Variants in FRMD7 observed in about 807,000 individuals in gnomAD.
FRMD7 encodes FERM domain-containing protein 7.
Under a neutral mutation model 44.1 loss-of-function variants are expected in FRMD7, and 14 were observed. The observed-to-expected ratio is 0.32, with a 90% CI of 0.21 to 0.50. FRMD7 has a LOEUF of 0.50. Ranked by LOEUF, FRMD7 falls within the 20% of genes least tolerant of loss-of-function variation. FRMD7 has a pLI of 0.99. For synonymous variants in FRMD7, 212 were observed against 187.4 expected (o/e 1.13, Z -1.07); for missense variants, 501 against 522.3 (o/e 0.96, Z 0.40).
chrX:132,103,229 T>A (rs978370163), intron 1 of FRMD7, among the ~76,000 whole-genome samples: 7 of 112,247 alleles, frequency 6.2e-5, no homozygotes, highest in African/African-American at 2.3e-4. Flanking sequence ...ATCGAATTTC[T>A]CAATTTTGGT....
intron 1 of FRMD7, among the ~76,000 whole-genome samples, chrX:132,118,815 C>T (rs182631701): frequency 9.0e-6 from 1 of 111,074 alleles, no homozygotes; most frequent in African/African-American, 3.3e-5. Flanking sequence ...CAGGCCTTTT[C>T]CTGCTTCTCC....
chrX:132,098,008 C>G (rs764487305), intron 3 of FRMD7, among the ~76,000 whole-genome samples: 4 of 111,650 alleles, frequency 3.6e-5, no homozygotes, highest in Admixed American at 2.9e-4. Flanking sequence ...GACATCTAGA[C>G]AGTTATAACA....
At position 132,084,567 on chromosome X, in the gene FRMD7, T is replaced by A; in HGVS notation, c.664A>T (p.Thr222Ser). The A allele has an allele frequency of 8.7e-7, 1 of 1,148,718 alleles. No individual in the cohort carries two copies. The highest frequency in any genetic ancestry group is 1.8e-5 in the South Asian group (1 of 55,533). The allele number at this position is 1,148,718 out of a possible 1,213,427, so 94.7% of individuals were successfully genotyped here. Residue 222 changes from threonine to serine, a missense_variant, in exon 8 of 12, where the codon ACT becomes TCT. Thr to Ser is a moderately conservative substitution (Grantham distance 58, BLOSUM62 1). Transcript: ENST00000298542. ...LVLRGNTKIN[T>S]FNWAKIRKLS... is the part of the protein sequence containing the mutation. ...TTGCGGATTTTAGCCCAGTTAAAAGTATTGATCTTTGTATTTCCCTACAAT... is the reference window on the plus strand; with the variant it reads ...TTGCGGATTTTAGCCCAGTTAAAAGAATTGATCTTTGTATTTCCCTACAAT...
intron 1 of FRMD7, among the ~76,000 whole-genome samples, chrX:132,101,755 C>G (rs371194372): frequency 2.7e-5 from 3 of 112,110 alleles, no homozygotes; most frequent in East Asian, 5.6e-4. Flanking sequence ...CCCACACACA[C>G]TGTGAGCACA....
At chrX:132,083,321 C>G (rs1045896058) in intron 8 of FRMD7, among the ~76,000 whole-genome samples, 1 of 111,863 alleles carries the variant, frequency 8.9e-6, no homozygotes, top group African/African-American at 3.2e-5. Flanking sequence ...GTACAATGCT[C>G]TATATTGCTC....
chrX:132,090,302 G>A (rs886926109), intron 5 of FRMD7, among the ~76,000 whole-genome samples: 3 of 110,989 alleles, frequency 2.7e-5, no homozygotes, highest in African/African-American at 9.9e-5. Flanking sequence ...GCTTGAACCC[G>A]GGAGGTGGAG....
At chrX:132,125,899 C>A (rs868112933) in intron 1 of FRMD7, among the ~76,000 whole-genome samples, 2 of 111,787 alleles carry the variant, frequency 1.8e-5, no homozygotes, top group African/African-American at 6.5e-5. Flanking sequence ...ATTGTGCACA[C>A]GTCACTTAAG....
At position 132,097,363 on chromosome X, in the gene FRMD7, C is replaced by T; in HGVS notation, c.206-19G>A. ...TTAGGATCTTAAAACACAATATCTCCATAAGTTTTATTTAAATGTCCATCA... is the reference window on the plus strand; with the variant it reads ...TTAGGATCTTAAAACACAATATCTCTATAAGTTTTATTTAAATGTCCATCA... On this transcript the variant is annotated intron_variant, in intron 3 of 11. Transcript: ENST00000298542. 1 of 979,616 alleles carries T rather than the reference C, an allele frequency of 1.0e-6. No homozygotes were observed. Among genetic ancestry groups the T allele is most frequent in the Non-Finnish European group, 1.5e-6 (1 of 684,954 alleles). The allele number at this position is 979,616 out of a possible 1,213,427, so 80.7% of individuals were successfully genotyped here. A position where few individuals can be genotyped will look rare whatever the true frequency, so the allele number is the denominator to read the frequency against.
At chrX:132,103,490 A>ATCTATCTATCTATCTG (rs1928562430) in intron 1 of FRMD7, among the ~76,000 whole-genome samples, 1 of 8,706 alleles carries the variant, frequency 1.1e-4, no homozygotes, top group Non-Finnish European at 3.2e-4. Context: ...TTAAATGTCT[A>ATCTATCTATCTATCTG]TCTATCTATC....
intron 5 of FRMD7, among the ~76,000 whole-genome samples, chrX:132,086,661 G>GAAA (rs768288026): frequency 1.9e-4 from 18 of 93,688 alleles, no homozygotes; most frequent in African/African-American, 3.8e-4. Context: ...AAGGCCTCAG[G>GAAA]AAAAAAAAAA....
intron 1 of FRMD7, among the ~76,000 whole-genome samples, chrX:132,126,596 A>T (rs1004131326): frequency 4.5e-5 from 5 of 112,093 alleles, no homozygotes; most frequent in African/African-American, 6.5e-5. Context: ...GCCTAAAGCA[A>T]TATCTTTTGA....
chrX:132,093,814 A>T (rs1180715639), intron 5 of FRMD7, among the ~76,000 whole-genome samples: 1 of 112,367 alleles, frequency 8.9e-6, no homozygotes, highest in East Asian at 2.8e-4. Context: ...CTGGGGTAGA[A>T]GAAAATCAGC....
intron 1 of FRMD7, 129 bp from the exon 2 acceptor site, chrX:132,100,845 C>A: frequency 2.0e-6 from 1 of 509,398 alleles, no homozygotes; most frequent in South Asian, 2.7e-5. Context: ...AGAGGACCTG[C>A]ATCCTTTTCA....
intron 8 of FRMD7, among the ~76,000 whole-genome samples, chrX:132,082,879 A>C (rs1305052391): frequency 8.9e-6 from 1 of 112,436 alleles, no homozygotes; most frequent in Non-Finnish European, 1.9e-5. Flanking sequence ...GTTATAAATG[A>C]CCAACAGGAA....
intron 1 of FRMD7, among the ~76,000 whole-genome samples, chrX:132,117,329 T>C (rs1433998485): frequency 8.9e-6 from 1 of 111,826 alleles, no homozygotes; most frequent in Non-Finnish European, 1.9e-5. Context: ...TGATTGCTTA[T>C]GCAGGTAGTG....
chrX:132,116,193 T>C (rs1316355671), intron 1 of FRMD7, among the ~76,000 whole-genome samples: 2 of 112,261 alleles, frequency 1.8e-5, no homozygotes, highest in East Asian at 5.5e-4. Flanking sequence ...CACTCTTACA[T>C]TGATTTAACA....
Position 132,127,414 on chromosome X carries a change from T to C in FRMD7, c.57+374A>G, listed in dbSNP as rs143470937. On this transcript the variant is annotated intron_variant, in intron 1 of 11. Transcript: ENST00000298542. ...GGATAGCTTCCCCCACTCCTTTCCCTCAGAACAACAGTTTTCTCCCCACAA... is the reference window on the plus strand; with the variant it reads ...GGATAGCTTCCCCCACTCCTTTCCCCCAGAACAACAGTTTTCTCCCCACAA... Among the ~76,000 whole-genome samples, 560 of 112,097 alleles carry C rather than the reference T, an allele frequency of 5.0e-3. 5 individuals are homozygous for C. The highest frequency in any genetic ancestry group is 0.017 in the African/African-American group (539 of 30,877).
At chrX:132,118,834 G>A (rs1928967272) in intron 1 of FRMD7, among the ~76,000 whole-genome samples, 1 of 110,132 alleles carries the variant, frequency 9.1e-6, no homozygotes. Context: ...CCCTTTGTCT[G>A]GACCAACCTT....
At position 132,094,322 on chromosome X, in the gene FRMD7, A is replaced by G; in HGVS notation, c.285-183T>C. The G allele has an allele frequency of 3.2e-5, 14 of 433,909 alleles. No homozygotes were observed. In the South Asian group the frequency reaches 4.1e-4, roughly 13 times the overall value. 35.8% of individuals were successfully genotyped at this position (433,909 alleles called of 1,213,427 possible). A position where few individuals can be genotyped will look rare whatever the true frequency, so the allele number is the denominator to read the frequency against. On this transcript the variant is annotated intron_variant, in intron 4 of 11. Coordinates refer to ENST00000298542, the MANE Select transcript of FRMD7 (RefSeq NM_194277.3). ...AGCCCCAAACCAGACCCGGACCACA[A>G]CTCAGCTGATTGAACACTTTGGCAG...
Sources: allele counts gnomAD v4.1 joint callset (sites outside exome capture counted in the v4.1 genomes callset), GRCh38; gene constraint gnomAD v4.1.1; transcripts MANE v1.5; gene names NCBI Gene and HGNC (gene_info 2026-07-23, HGNC 2026-07-21).